The following C2CD2 variants were observed in gnomAD, a reference collection of about 807,000 sequenced individuals.
The protein encoded by C2CD2 is C2 calcium dependent domain containing 2, also known as C2 domain-containing protein 2.
C2CD2 carries 43 observed loss-of-function variants against 74.3 expected under a neutral mutation model. The ratio of observed to expected loss-of-function variants is 0.58; its 90% CI spans 0.45 to 0.75. The LOEUF (loss-of-function observed/expected upper bound fraction) is 0.75. C2CD2 is among the 30% of genes least tolerant of loss of function. C2CD2 has a pLI of 0.00. For missense variants in C2CD2, 801 were observed against 916.3 expected (o/e 0.87, Z 1.63); for synonymous variants, 422 against 390.7 (o/e 1.08, Z -0.94).
At chr21:41,950,983 A>T (rs1367026116) in intron 1 of C2CD2, among the ~76,000 whole-genome samples, 1 of 152,174 alleles carries the variant, frequency 6.6e-6, no homozygotes, top group African/African-American at 2.4e-5. Flanking sequence ...ACTAAGCTGT[A>T]GCTGTCCAGG....
intron 6 of C2CD2, among the ~76,000 whole-genome samples, chr21:41,912,730 C>G (rs966169288): frequency 2.0e-5 from 3 of 152,264 alleles, no homozygotes; most frequent in Middle Eastern, 6.8e-3. Context: ...ACCTCGTGAT[C>G]CACCCGCCTC....
rs2065210823 is a variant in C2CD2, at chr21:41,926,251, T to A, written c.379-4166A>T. Among the ~76,000 whole-genome samples, 1 of 152,114 alleles carries A rather than the reference T, an allele frequency of 6.6e-6. No individual in the cohort carries two copies. Among genetic ancestry groups the A allele is most frequent in the African/African-American group, 2.4e-5 (1 of 41,420 alleles). ...CCAAAACAAGCAAAGATTATTTACA[T>A]AAAGCATTTGAAAATCAAGCAACAG... is the stretch of plus-strand genomic sequence containing the variant. On this transcript the variant is annotated intron_variant, in intron 2 of 13. Transcript: ENST00000380486. This position sits in a 1 kb window ranked among gnomAD's most constrained non-coding sequence, Gnocchi z 8.0.
In C2CD2 at chr21:41,887,818, GA is replaced by G. The variant is rs2064702480; in HGVS notation, c.*1305del. ...TAACAGCCTTTTACATGTCTTTGGA[GA>G]AAAGTGAATCATATTAAACTGTCAA... On this transcript the variant is annotated 3_prime_UTR_variant, in exon 14 of 14. Transcript: ENST00000380486. The G allele has an allele frequency of 2.0e-5, 3 of 152,190 alleles. No homozygotes were observed. In the East Asian group the frequency reaches 5.8e-4, roughly 29 times the overall value. 9.4% of individuals were successfully genotyped at this position (152,190 alleles called of 1,614,324 possible).
chr21:41,947,143 TCCCTCCCTCC>T (rs2065406847), intron 1 of C2CD2, among the ~76,000 whole-genome samples: 2 of 128,612 alleles, frequency 1.6e-5, no homozygotes, highest in Non-Finnish European at 3.4e-5. Context: ...TCTCTCTCCC[TCCCTCCCTCC>T]CTCCCTCTCT....
At chr21:41,896,008 G>A (rs539617162) in intron 13 of C2CD2, among the ~76,000 whole-genome samples, 8 of 152,260 alleles carry the variant, frequency 5.3e-5, no homozygotes, top group East Asian at 3.9e-4. Flanking sequence ...GTACCAGAGC[G>A]AGCGCCCTCA....
intron 10 of C2CD2, among the ~76,000 whole-genome samples, chr21:41,906,617 G>A (rs145136390): frequency 1.5e-3 from 230 of 152,210 alleles, no homozygotes; most frequent in African/African-American, 5.2e-3. Flanking sequence ...TGCCCGCCTC[G>A]GCTTCCCAAA....
At position 41,953,374 on chromosome 21, in the gene C2CD2, T is replaced by C. The variant is rs759394342; in HGVS notation, c.275A>G (p.Lys92Arg). 17 of 1,416,022 alleles carry C rather than the reference T, an allele frequency of 1.2e-5. No individual in the cohort carries two copies. The highest frequency in any genetic ancestry group is 3.0e-5 in the African/African-American group (2 of 66,604). 87.7% of individuals were successfully genotyped at this position (1,416,022 alleles called of 1,614,324 possible). A position where few individuals can be genotyped will look rare whatever the true frequency, so the allele number is the denominator to read the frequency against. Residue 92 changes from lysine (K) to arginine (R), a missense_variant, in exon 1 of 14, where the codon AAA (lysine) becomes AGA (arginine). Physicochemically the swap from Lys to Arg is conservative, Grantham distance 26. Coordinates refer to ENST00000380486, the MANE Select transcript of C2CD2 (RefSeq NM_015500.2). ...CCCGCAGTCCCGGAAACTCACCCCTTTCCTCTCGGCCTCCTCGTTCAGGGC... is the reference window on the plus strand; with the variant it reads ...CCCGCAGTCCCGGAAACTCACCCCTCTCCTCTCGGCCTCCTCGTTCAGGGC... ...VTALNEEAER[K>R]GGPPFLSFEE...
In C2CD2 at chr21:41,929,958, C is replaced by T. The variant is rs2065248816; in HGVS notation, c.379-7873G>A. Among the ~76,000 whole-genome samples, 1 of 152,152 alleles carries T rather than the reference C, an allele frequency of 6.6e-6. No individual in the cohort carries two copies. The highest frequency in any genetic ancestry group is 2.4e-5 in the African/African-American group (1 of 41,432). On this transcript the variant is annotated intron_variant, in intron 2 of 13. Transcript: ENST00000380486. This position sits in a 1 kb window ranked among gnomAD's most constrained non-coding sequence, Gnocchi z 4.6. ...TAAGGGTACCCCTTTGCTTTTGGGG[C>T]AGAAAGCAGGCACTTTCAAAAGGGG...
At position 41,889,338 on chromosome 21, in the gene C2CD2, A is replaced by T. The variant is rs774388966; in HGVS notation, c.1877T>A (p.Ile626Asn). Reference protein sequence around the residue: ...PGTAKKHKGGILRKGAKLFFR... With the variant: ...PGTAKKHKGGNLRKGAKLFFR... ...GAACAGCTTTGCACCTTTCCTTAGAATTCCTCCTGGAAGAGGGAGGCACAA... is the reference window on the plus strand; with the variant it reads ...GAACAGCTTTGCACCTTTCCTTAGATTTCCTCCTGGAAGAGGGAGGCACAA... Residue 626 changes from isoleucine to asparagine, a missense_variant, in exon 14 of 14, where the codon ATT becomes AAT. Transcript: ENST00000380486. 1 of 1,612,920 alleles carries T rather than the reference A, an allele frequency of 6.2e-7. No homozygotes were observed. Among genetic ancestry groups the T allele is most frequent in the Non-Finnish European group, 8.5e-7 (1 of 1,179,176 alleles).
chr21:41,942,160 G>A lies in C2CD2; in HGVS notation c.365C>T (p.Ser122Leu), dbSNP rs61735798. 2.9e-4 allele frequency: 457 copies of A among 1,549,332 alleles called. 3 individuals carry two copies. The highest frequency in any genetic ancestry group is 2.0e-4 in the Non-Finnish European group (234 of 1,146,792). ...TCCTGGGCTCACCTTCTCCTCCGCC[G>A]ACCTGAGCACGCTGGAGACCTCCTG... ...VVQEVSSVLR[S>L]AEEKVVVCHV... The change falls in exon 2 of 14, where the codon TCG (serine) becomes TTG (leucine). Residue 122 changes from serine to leucine, a missense_variant. Ser to Leu is a moderately radical substitution (Grantham distance 145). Transcript: ENST00000380486.
At position 41,906,950 on chromosome 21, in the gene C2CD2, C is replaced by T. The variant is rs369384195; in HGVS notation, c.1318+42G>A. Reference sequence around the variant, plus strand: ...TGGGGGCAAGGTGGTTACAGGCAGGCGTCATGCAGAAAGTTCCTCGACTGC... The same window carrying T: ...TGGGGGCAAGGTGGTTACAGGCAGGTGTCATGCAGAAAGTTCCTCGACTGC... On this transcript the variant is annotated intron_variant, in intron 10 of 13. Coordinates refer to ENST00000380486, the MANE Select transcript of C2CD2 (RefSeq NM_015500.2). 106 of 1,527,850 alleles carry T rather than the reference C, an allele frequency of 6.9e-5. No homozygotes were observed. The African/African-American group carries it at 1.1e-3, about 16-fold the overall frequency. 94.6% of individuals were successfully genotyped at this position (1,527,850 alleles called of 1,614,324 possible).
chr21:41,888,576 C>G lies in C2CD2; in HGVS notation c.*548G>C, dbSNP rs1601536256. The stretch of plus-strand genomic sequence containing the variant: ...CGTCTCCATTCTTATCAAAATTTCT[C>G]TATTAATCCAAAATCCTGCCTATGT... On this transcript the variant is annotated 3_prime_UTR_variant, in exon 14 of 14. Transcript: ENST00000380486. The G allele has an allele frequency of 6.3e-6, 1 of 159,218 alleles. No homozygotes were observed. The highest frequency in any genetic ancestry group is 1.8e-4 in the South Asian group (1 of 5,456). The allele number at this position is 159,218 out of a possible 1,614,324, so 9.9% of individuals were successfully genotyped here. A position where few individuals can be genotyped will look rare whatever the true frequency, so the allele number is the denominator to read the frequency against.
Position 41,923,570 on chromosome 21 carries a change from C to A in C2CD2, c.379-1485G>T, listed in dbSNP as rs747760979. ...GTAATTGGAAAAACATACAAAGTAT[C>A]AAACAATTATAAAATTATGCAGCCG... is the stretch of plus-strand genomic sequence containing the variant. On this transcript the variant is annotated intron_variant, in intron 2 of 13. Transcript: ENST00000380486. This position sits in a 1 kb window ranked among gnomAD's most constrained non-coding sequence, Gnocchi z 5.8. Among the ~76,000 whole-genome samples the A allele has an allele frequency of 2.6e-5, 4 of 152,070 alleles. No individual in the cohort carries two copies. Among genetic ancestry groups the A allele is most frequent in the Non-Finnish European group, 4.4e-5 (3 of 68,020 alleles).
intron 8 of C2CD2, chr21:41,908,853 C>T (rs529102643): frequency 6.5e-6 from 1 of 152,958 alleles, no homozygotes; most frequent in South Asian, 2.1e-4. Flanking sequence ...TACAGGCCCA[C>T]GTTCATTTTA....
chr21:41,901,791 A>G, intron 11 of C2CD2, 42 bp from the exon 12 acceptor site: 1 of 1,590,828 alleles, frequency 6.3e-7, no homozygotes, highest in Non-Finnish European at 8.6e-7. Context: ...AGCAAAAATT[A>G]AAGACTTCCA....
chr21:41,918,709 G>C lies in C2CD2; in HGVS notation c.597+147C>G, dbSNP rs566877244. The C allele has an allele frequency of 8.9e-5, 58 of 650,028 alleles. No individual in the cohort carries two copies. The East Asian group carries it at 1.5e-3, about 17-fold the overall frequency. The allele number at this position is 650,028 out of a possible 1,614,324, so 40.3% of individuals were successfully genotyped here. On this transcript the variant is annotated intron_variant, in intron 4 of 13. Coordinates refer to ENST00000380486, the MANE Select transcript of C2CD2 (RefSeq NM_015500.2). ...GCCAAAGGGCCCATCCACATCCTGA[G>C]AGGCCCAAGCCAGCCCCAGGAGGAG...
intron 1 of C2CD2, among the ~76,000 whole-genome samples, chr21:41,949,156 G>A (rs111929278): frequency 5.9e-5 from 9 of 152,110 alleles, no homozygotes; most frequent in African/African-American, 1.4e-4. Context: ...GGCAGCCCAC[G>A]GGCAGCGGCC....
rs1460974537 is a variant in C2CD2, at chr21:41,888,408, T to C, written c.*716A>G. 1 of 152,626 alleles carries C rather than the reference T, an allele frequency of 6.6e-6. No homozygotes were observed. Among genetic ancestry groups the C allele is most frequent in the Admixed American group, 6.5e-5 (1 of 15,274 alleles). 9.5% of individuals were successfully genotyped at this position (152,626 alleles called of 1,614,324 possible). On this transcript the variant is annotated 3_prime_UTR_variant, in exon 14 of 14. Transcript: ENST00000380486. The stretch of plus-strand genomic sequence containing the variant: ...ACGATAGAGAAAAATGTAAAAACCA[T>C]GTGAGAATATATATATCTTCCACTT...
intron 2 of C2CD2, among the ~76,000 whole-genome samples, chr21:41,940,253 T>C (rs1045472347): frequency 6.6e-6 from 1 of 152,216 alleles, no homozygotes; most frequent in Non-Finnish European, 1.5e-5. Context: ...CGGGTTCATC[T>C]GGAATCCTGA....
Sources: allele counts gnomAD v4.1 joint callset (sites outside exome capture counted in the v4.1 genomes callset), GRCh38; gene constraint gnomAD v4.1.1; non-coding constraint Gnocchi (gnomAD v3.1); transcripts MANE v1.5; gene names NCBI Gene and HGNC (gene_info 2026-07-23, HGNC 2026-07-21).